ZNF174: variants seen among roughly 807,000 people sequenced by gnomAD.
The protein encoded by ZNF174 is AW-1.
A neutral mutation model predicts 38.7 loss-of-function variants in ZNF174; 30 were observed. The ratio of observed to expected loss-of-function variants is 0.78; its 90% CI spans 0.58 to 1.05. The LOEUF (loss-of-function observed/expected upper bound fraction) is 1.05. Ranked by LOEUF, ZNF174 falls within the 50% of genes least tolerant of loss-of-function variation. ZNF174 has a pLI of 0.00. For missense variants in ZNF174, 499 were observed against 495.6 expected (o/e 1.01, Z -0.06); for synonymous variants, 201 against 181.7 (o/e 1.11, Z -0.86).
chr16:3,402,240 T>G lies in ZNF174; in HGVS notation c.236T>G (p.Leu79Arg), dbSNP rs1021698651. ...TGCCGTCAGTGGTTGCAACCCGAGC[T>G]GCACACCAAGGAGCAGATTTTGGAG... The part of the protein sequence containing the change: ...QLCRQWLQPE[L>R]HTKEQILELL... Residue 79 changes from leucine to arginine, a missense_variant, in exon 1 of 3, where the codon CTG becomes CGG. By Grantham distance (102) the Leu-to-Arg change is moderately radical (BLOSUM62 -2). Coordinates refer to ENST00000268655, the MANE Select transcript of ZNF174 (RefSeq NM_003450.3). The G allele has an allele frequency of 6.2e-7, 1 of 1,614,112 alleles. No homozygotes were observed. Among genetic ancestry groups the G allele is most frequent in the South Asian group, 1.1e-5 (1 of 91,082 alleles).
intron 2 of ZNF174, chr16:3,405,100 C>T (rs1596257304): frequency 4.0e-6 from 6 of 1,487,242 alleles, no homozygotes; most frequent in South Asian, 1.3e-5. Flanking sequence ...ATCTATTTCC[C>T]TTTCTCTGGT....
rs2033915146 is a variant in ZNF174 at position 3,401,902 on chromosome 16, C to A, written c.-103C>A. 7.0e-7 allele frequency: 1 copy of A among 1,424,002 alleles called. No individual in the cohort carries two copies. The highest frequency in any genetic ancestry group is 9.5e-7 in the Non-Finnish European group (1 of 1,047,336). 88.2% of individuals were successfully genotyped at this position (1,424,002 alleles called of 1,614,324 possible). On this transcript the variant is annotated 5_prime_UTR_variant, in exon 1 of 3. Coordinates refer to ENST00000268655, the MANE Select transcript of ZNF174 (RefSeq NM_003450.3). ...CGTTCCCCCTAACATCCTCAGAGAA[C>A]CTTCGTTTCTAGAATCTTTCTAGTA...
At chr16:3,404,852 G>A in intron 2 of ZNF174, 1 of 1,594,130 alleles carries the variant, frequency 6.3e-7, no homozygotes, top group South Asian at 1.1e-5. Flanking sequence ...TTCTGTTAAT[G>A]AAAATTTAAG....
At chr16:3,404,911 C>G in intron 2 of ZNF174, 1 of 1,613,824 alleles carries the variant, frequency 6.2e-7, no homozygotes, top group East Asian at 2.2e-5. Context: ...CGTTTCAGAA[C>G]TTCTTATAGA....
chr16:3,408,450 C>T lies in ZNF174; in HGVS notation c.755C>T (p.Ala252Val), dbSNP rs1489122006. 6.2e-7 allele frequency: 1 copy of T among 1,614,072 alleles called. No homozygotes were observed. The highest frequency in any genetic ancestry group is 1.1e-5 in the South Asian group (1 of 91,070). The change falls in exon 3 of 3, where the codon GCA (alanine) becomes GTA (valine). Residue 252 changes from alanine (A) to valine (V), a missense_variant. Ala to Val is a moderately conservative substitution (Grantham distance 64, BLOSUM62 0). Coordinates refer to ENST00000268655, the MANE Select transcript of ZNF174 (RefSeq NM_003450.3). Reference protein sequence around the residue: ...NGLQNPEPRGANMSEPRLSRR... With the variant: ...NGLQNPEPRGVNMSEPRLSRR... Reference sequence around the variant, plus strand: ...CTGCAGAATCCTGAACCAAGAGGGGCAAATATGAGTGAACCTCGGTTGTCA... The same window carrying T: ...CTGCAGAATCCTGAACCAAGAGGGGTAAATATGAGTGAACCTCGGTTGTCA...
Position 3,408,688 on chromosome 16 carries a change from T to G in ZNF174, c.993T>G (p.Cys331Trp). ...SAKKPYKCDD[C>W]GKSFTWNSEL... ...AGAAACCCTACAAATGTGATGACTG[T>G]GGGAAAAGCTTCACGTGGAATTCAG... The change falls in exon 3 of 3, where the codon TGT becomes TGG. Residue 331 changes from cysteine (C) to tryptophan (W), a missense_variant. Cys to Trp is a radical substitution (Grantham distance 215). Coordinates refer to ENST00000268655, the MANE Select transcript of ZNF174 (RefSeq NM_003450.3). 6.2e-7 allele frequency: 1 copy of G among 1,614,032 alleles called. No homozygotes were observed. Among genetic ancestry groups the G allele is most frequent in the East Asian group, 2.2e-5 (1 of 44,874 alleles).
rs1164102340 is a variant in ZNF174 at position 3,402,030 on chromosome 16, T to C, written c.26T>C (p.Leu9Ser). The change falls in exon 1 of 3, where the codon TTA becomes TCA. Residue 9 changes from leucine to serine, a missense_variant. Transcript: ENST00000268655. ...ATGGCAGCTAAAATGGAGATAACTTTAAGCTCCAACACTGAAGCTTCCTCC... is the reference window on the plus strand; with the variant it reads ...ATGGCAGCTAAAATGGAGATAACTTCAAGCTCCAACACTGAAGCTTCCTCC... The part of the protein sequence containing the change: MAAKMEIT[L>S]SSNTEASSKQ... The C allele has an allele frequency of 1.2e-6, 2 of 1,613,122 alleles. No individual in the cohort carries two copies. Among genetic ancestry groups the C allele is most frequent in the Admixed American group, 3.4e-5 (2 of 59,632 alleles).
rs2033912475 is a variant in ZNF174 at position 3,401,825 on chromosome 16, G to A, written c.-180G>A. On this transcript the variant is annotated 5_prime_UTR_variant, in exon 1 of 3. Coordinates refer to ENST00000268655, the MANE Select transcript of ZNF174 (RefSeq NM_003450.3). ...TCTTCCCACTCCCAGGGACCGCGTT[G>A]TCTTGAGTTTGGCTAGTAAAGGCTA... 2 of 711,654 alleles carry A rather than the reference G, an allele frequency of 2.8e-6. No individual in the cohort carries two copies. The highest frequency in any genetic ancestry group is 3.6e-5 in the African/African-American group (2 of 55,890). The allele number at this position is 711,654 out of a possible 1,614,324, so 44.1% of individuals were successfully genotyped here. A position where few individuals can be genotyped will look rare whatever the true frequency, so the allele number is the denominator to read the frequency against.
In ZNF174 at chr16:3,409,057, T is replaced by G; in HGVS notation, c.*138T>G. ...TGAGGAATGATGATGCACATTCTGC[T>G]GTGAGGAGGCCCAGAAAAGGCCAAC... On this transcript the variant is annotated 3_prime_UTR_variant, in exon 3 of 3. Coordinates refer to ENST00000268655, the MANE Select transcript of ZNF174 (RefSeq NM_003450.3). 1 of 1,021,502 alleles carries G rather than the reference T, an allele frequency of 9.8e-7. No homozygotes were observed. The highest frequency in any genetic ancestry group is 1.4e-6 in the Non-Finnish European group (1 of 701,394). The allele number at this position is 1,021,502 out of a possible 1,614,324, so 63.3% of individuals were successfully genotyped here. A position where few individuals can be genotyped will look rare whatever the true frequency, so the allele number is the denominator to read the frequency against.
Position 3,402,079 on chromosome 16 carries a change from C to T in ZNF174, c.75C>T (p.Ala25=), listed in dbSNP as rs141262832. The change falls in exon 1 of 3, where the codon GCC becomes GCT. Residue 25 remains alanine (A), a synonymous_variant. Transcript: ENST00000268655. The part of the protein sequence containing the change: ...ASSKQERHII[A]KLEEKRGPPL... The stretch of plus-strand genomic sequence containing the variant: ...CCAAGCAAGAGAGACACATAATAGC[C>T]AAACTAGAAGAGAAACGGGGCCCTC... 7.6e-5 allele frequency: 122 copies of T among 1,614,036 alleles called. No homozygotes were observed. Among genetic ancestry groups the T allele is most frequent in the Middle Eastern group, 1.6e-4 (1 of 6,084 alleles).
chr16:3,405,605 G>C (rs957620277), intron 2 of ZNF174, among the ~76,000 whole-genome samples: 2 of 152,196 alleles, frequency 1.3e-5, no homozygotes, highest in Admixed American at 6.5e-5. Context: ...CTATTACCTT[G>C]GGAGTTAGAA....
rs1260879511 is a variant in ZNF174, at chr16:3,408,515, G to A, written c.820G>A (p.Ala274Thr). The change falls in exon 3 of 3, where the codon GCT becomes ACT. Residue 274 changes from alanine (A) to threonine (T), a missense_variant. Ala to Thr is a moderately conservative substitution (Grantham distance 58). Transcript: ENST00000268655. ...VSSPNAQKPF[A>T]HYQRHCRVEY... is the part of the protein sequence containing the mutation. ...CTCCCCAAATGCTCAAAAGCCATTT[G>A]CTCACTACCAGAGACATTGCAGGGT... is the stretch of plus-strand genomic sequence containing the variant. 1.2e-6 allele frequency: 2 copies of A among 1,614,030 alleles called. No homozygotes were observed. Among genetic ancestry groups the A allele is most frequent in the African/African-American group, 1.3e-5 (1 of 74,892 alleles).
rs1243930092 is a variant in ZNF174, at chr16:3,408,696, G to C, written c.1001G>C (p.Ser334Thr). 10 of 1,614,158 alleles carry C rather than the reference G, an allele frequency of 6.2e-6. No homozygotes were observed. Among genetic ancestry groups the C allele is most frequent in the Non-Finnish European group, 8.5e-6 (10 of 1,180,034 alleles). The change falls in exon 3 of 3, where the codon AGC (serine) becomes ACC (threonine). Residue 334 changes from serine (S) to threonine (T), a missense_variant. Physicochemically the swap from Ser to Thr is moderately conservative, Grantham distance 58. Coordinates refer to ENST00000268655, the MANE Select transcript of ZNF174 (RefSeq NM_003450.3). ...TACAAATGTGATGACTGTGGGAAAAGCTTCACGTGGAATTCAGAGCTGAAG... is the reference window on the plus strand; with the variant it reads ...TACAAATGTGATGACTGTGGGAAAACCTTCACGTGGAATTCAGAGCTGAAG... ...KPYKCDDCGKSFTWNSELKRH... is the reference protein window; with the variant it reads ...KPYKCDDCGKTFTWNSELKRH...
intron 2 of ZNF174, among the ~76,000 whole-genome samples, chr16:3,406,963 A>T (rs150099196): frequency 6.6e-6 from 1 of 152,172 alleles, no homozygotes; most frequent in Non-Finnish European, 1.5e-5. Flanking sequence ...GTCAATTTTT[A>T]TATAGGTTTT....
chr16:3,402,479 G>C lies in ZNF174; in HGVS notation c.402+73G>C, dbSNP rs140827291. The C allele has an allele frequency of 4.3e-6, 6 of 1,401,364 alleles. No individual in the cohort carries two copies. The Admixed American group carries it at 7.6e-5, about 18-fold the overall frequency. 86.8% of individuals were successfully genotyped at this position (1,401,364 alleles called of 1,614,324 possible). A position where few individuals can be genotyped will look rare whatever the true frequency, so the allele number is the denominator to read the frequency against. ...TTTTTTTTTTTTTTTCTTTTTTTGA[G>C]ACGGAATCTTGCTCTTTCGCCCAGG... is the stretch of plus-strand genomic sequence containing the variant. On this transcript the variant is annotated intron_variant, in intron 1 of 2. Coordinates refer to ENST00000268655, the MANE Select transcript of ZNF174 (RefSeq NM_003450.3).
chr16:3,407,749 C>T (rs1270271597), intron 2 of ZNF174, among the ~76,000 whole-genome samples: 1 of 152,200 alleles, frequency 6.6e-6, no homozygotes, highest in Admixed American at 6.5e-5. Context: ...AATTAGGATA[C>T]ATGGCTAAGC....
Position 3,401,747 on chromosome 16 carries a change from G to A in ZNF174, c.-258G>A. The A allele has an allele frequency of 2.3e-6, 1 of 439,012 alleles. No individual in the cohort carries two copies. Among genetic ancestry groups the A allele is most frequent in the Non-Finnish European group, 4.1e-6 (1 of 246,688 alleles). The allele number at this position is 439,012 out of a possible 1,614,324, so 27.2% of individuals were successfully genotyped here. Reference sequence around the variant, plus strand: ...TTTTTCCCCAGAGTCCTTTTAGGACGTTATGACTTTTCTCCTTTGCAAGAC... The same window carrying A: ...TTTTTCCCCAGAGTCCTTTTAGGACATTATGACTTTTCTCCTTTGCAAGAC... On this transcript the variant is annotated 5_prime_UTR_variant, in exon 1 of 3. Transcript: ENST00000268655.
intron 1 of ZNF174, among the ~76,000 whole-genome samples, chr16:3,402,725 T>C (rs2033967920): frequency 6.6e-6 from 1 of 152,178 alleles, no homozygotes. Flanking sequence ...CCCAAAGTGC[T>C]GGGACTACAG....
chr16:3,404,524 G>A lies in ZNF174; in HGVS notation c.501G>A (p.Arg167=), dbSNP rs1346506153. The part of the protein sequence containing the change: ...ELPDFQPQTP[R]RDLRESSPAE... ...CAGACTTTCAACCGCAGACTCCTAG[G>A]AGAGATCTCAGGGAGAGCTCTCCAG... The change falls in exon 2 of 3, where the codon AGG becomes AGA. Residue 167 remains arginine (R), a synonymous_variant. Transcript: ENST00000268655. The A allele has an allele frequency of 1.2e-6, 2 of 1,614,212 alleles. No individual in the cohort carries two copies. The highest frequency in any genetic ancestry group is 2.2e-5 in the East Asian group (1 of 44,880).
Sources: allele counts gnomAD v4.1 joint callset (sites outside exome capture counted in the v4.1 genomes callset), GRCh38; gene constraint gnomAD v4.1.1; transcripts MANE v1.5; gene names NCBI Gene and HGNC (gene_info 2026-07-23, HGNC 2026-07-21).